Variants in FNDC1 observed in about 807,000 individuals in gnomAD.
FNDC1 encodes fibronectin type III domain containing 1.
Under a neutral mutation model 168.0 loss-of-function variants are expected in FNDC1, and 96 were observed. The observed-to-expected ratio is 0.57, with a 90% CI of 0.48 to 0.68. The LOEUF (loss-of-function observed/expected upper bound fraction) is 0.68. FNDC1 is among the 30% of genes least tolerant of loss of function. The pLI, the probability that FNDC1 is intolerant of heterozygous loss-of-function variation, is 0.00. For synonymous variants in FNDC1, 1,099 were observed against 1,025.9 expected (o/e 1.07, Z -1.36); for missense variants, 2,587 against 2,482.1 (o/e 1.04, Z -0.90).
At chr6:159,179,380 A>T (rs575331123) in intron 1 of FNDC1, among the ~76,000 whole-genome samples, 24 of 152,130 alleles carry the variant, frequency 1.6e-4, no homozygotes, top group Non-Finnish European at 3.4e-4. Context: ...AATCGCTTGA[A>T]CCCAGGAGGC....
rs557189946 is a variant in FNDC1, at chr6:159,187,705, C to T, written c.110-9726C>T. ...GGGTTTTCTTTTTTCTGGGTGGGGT[C>T]TGGGTCATAAATATTTGCCAAATAT... On this transcript the variant is annotated intron_variant, in intron 1 of 22. Transcript: ENST00000297267. Among the ~76,000 whole-genome samples the T allele has an allele frequency of 5.9e-5, 9 of 152,232 alleles. No homozygotes were observed. In the South Asian group the frequency reaches 1.9e-3, roughly 32 times the overall value.
chr6:159,220,079 C>T (rs1433446800), intron 5 of FNDC1, among the ~76,000 whole-genome samples: 2 of 152,250 alleles, frequency 1.3e-5, no homozygotes, highest in East Asian at 1.9e-4. Flanking sequence ...CGAGTGCCTC[C>T]GTATAAATAA....
chr6:159,211,078 G>A (rs1450130399), intron 4 of FNDC1, among the ~76,000 whole-genome samples: 1 of 152,138 alleles, frequency 6.6e-6, no homozygotes, highest in Non-Finnish European at 1.5e-5. Context: ...CGTGCAGATT[G>A]GTGTCCACAG....
intron 17 of FNDC1, among the ~76,000 whole-genome samples, chr6:159,252,181 T>C (rs2115016391): frequency 6.6e-6 from 1 of 152,306 alleles, no homozygotes; most frequent in South Asian, 2.1e-4. Context: ...ATTTAAGTTC[T>C]TATGGAAAGA....
intron 1 of FNDC1, among the ~76,000 whole-genome samples, chr6:159,190,065 C>A (rs1222814599): frequency 3.9e-5 from 6 of 152,162 alleles, no homozygotes; most frequent in Admixed American, 2.6e-4. Context: ...GGGCGGTATT[C>A]CCATCTTTAA....
At chr6:159,194,084 T>G (rs1413486284) in intron 1 of FNDC1, among the ~76,000 whole-genome samples, 1 of 152,260 alleles carries the variant, frequency 6.6e-6, no homozygotes, top group African/African-American at 2.4e-5. Flanking sequence ...TTTCTTCTTC[T>G]GTCTGGAGCA....
rs1309440813 is a variant in FNDC1, at chr6:159,232,689, C to T, written c.2177C>T (p.Ser726Leu). Reference sequence around the variant, plus strand: ...AGACTTTCTCCACCCCATGGGGGATCATCTCGGCTGCTGCCCACCCAGCCA... The same window carrying T: ...AGACTTTCTCCACCCCATGGGGGATTATCTCGGCTGCTGCCCACCCAGCCA... ...PSRLSPPHGG[S>L]SRLLPTQPHL... The change falls in exon 11 of 23, where the codon TCA becomes TTA. Residue 726 changes from serine to leucine, a missense_variant. Physicochemically the swap from Ser to Leu is moderately radical, Grantham distance 145. Coordinates refer to ENST00000297267, the MANE Select transcript of FNDC1 (RefSeq NM_032532.3). This position sits in a 1 kb window ranked among gnomAD's most constrained non-coding sequence, Gnocchi z 4.9. The T allele has an allele frequency of 6.2e-7, 1 of 1,613,930 alleles. No homozygotes were observed. The highest frequency in any genetic ancestry group is 1.1e-5 in the South Asian group (1 of 91,056).
intron 12 of FNDC1, 51 bp downstream of exon 12, chr6:159,236,366 A>T (rs1481972734): frequency 9.6e-6 from 12 of 1,247,334 alleles, no homozygotes; most frequent in Middle Eastern, 3.7e-4. Flanking sequence ...TGTTGAGAAG[A>T]GAAAAATGGT....
At chr6:159,183,777 A>AG (rs936495651) in intron 1 of FNDC1, among the ~76,000 whole-genome samples, 2 of 152,148 alleles carry the variant, frequency 1.3e-5, no homozygotes, top group African/African-American at 4.8e-5. Flanking sequence ...TTCTAGGAGG[A>AG]GGCGCTCACT....
At position 159,189,832 on chromosome 6, in the gene FNDC1, G is replaced by A. The variant is rs190542384; in HGVS notation, c.110-7599G>A. Among the ~76,000 whole-genome samples the A allele has an allele frequency of 6.1e-3, 934 of 152,280 alleles. 5 individuals carry two copies. Among genetic ancestry groups the A allele is most frequent in the Non-Finnish European group, 1.0e-2 (679 of 68,014 alleles). On this transcript the variant is annotated intron_variant, in intron 1 of 22. Coordinates refer to ENST00000297267, the MANE Select transcript of FNDC1 (RefSeq NM_032532.3). ...GAGGGATTTCTGTGAAAATCTGGGTGTTTTTATATTGCTTGTATTGTGTTA... is the reference window on the plus strand; with the variant it reads ...GAGGGATTTCTGTGAAAATCTGGGTATTTTTATATTGCTTGTATTGTGTTA...
chr6:159,170,277 C>CG (rs1231652468), intron 1 of FNDC1, among the ~76,000 whole-genome samples: 1 of 152,098 alleles, frequency 6.6e-6, no homozygotes, highest in African/African-American at 2.4e-5. Flanking sequence ...CCCGCGCGCC[C>CG]GGGGGGAACG....
chr6:159,269,240 TC>T (rs1298355072), intron 22 of FNDC1, among the ~76,000 whole-genome samples: 1 of 139,672 alleles, frequency 7.2e-6, no homozygotes, highest in African/African-American at 2.9e-5. Flanking sequence ...TATCTATCTA[TC>T]TATCTATCCA....
intron 13 of FNDC1, 93 bp downstream of exon 13, chr6:159,238,758 A>G: frequency 1.2e-6 from 1 of 857,050 alleles, no homozygotes; most frequent in South Asian, 1.8e-5. Flanking sequence ...TTTATAATGA[A>G]TGGTCATGGG....
intron 5 of FNDC1, among the ~76,000 whole-genome samples, chr6:159,215,955 C>A (rs1782701559): frequency 6.6e-6 from 1 of 152,008 alleles, no homozygotes. Flanking sequence ...TACCCAGGGT[C>A]AATACATTGT....
rs781657905 is a variant in FNDC1 at position 159,232,855 on chromosome 6, G to T, written c.2343G>T (p.Ala781=). Residue 781 remains alanine (A), a synonymous_variant, in exon 11 of 23, where the codon GCG becomes GCT. Coordinates refer to ENST00000297267, the MANE Select transcript of FNDC1 (RefSeq NM_032532.3). The surrounding 1 kb of genome is among the most constrained non-coding windows in gnomAD (Gnocchi z 4.9). ...LSSRTQVSEG[A]EASDGESHGD... is the part of the protein sequence containing the mutation. ...CCAGGACGCAGGTCTCTGAGGGAGC[G>T]GAGGCTTCTGATGGTGAAAGCCACG... 7.4e-6 allele frequency: 12 copies of T among 1,613,740 alleles called. No individual in the cohort carries two copies. The highest frequency in any genetic ancestry group is 1.0e-5 in the Non-Finnish European group (12 of 1,179,874).
At chr6:159,187,412 T>C (rs1473133677) in intron 1 of FNDC1, among the ~76,000 whole-genome samples, 3 of 152,288 alleles carry the variant, frequency 2.0e-5, no homozygotes, top group African/African-American at 7.2e-5. Context: ...CTAGTGTGTT[T>C]TATAATAAGT....
At chr6:159,246,283 G>A (rs1777121152) in intron 14 of FNDC1, among the ~76,000 whole-genome samples, 2 of 152,294 alleles carry the variant, frequency 1.3e-5, no homozygotes, top group South Asian at 2.1e-4. Context: ...AGAGTGGGTG[G>A]GAACTCAGTA....
intron 15 of FNDC1, among the ~76,000 whole-genome samples, chr6:159,248,236 A>T (rs1562307754): frequency 1.3e-5 from 2 of 152,180 alleles, no homozygotes; most frequent in Non-Finnish European, 2.9e-5. Context: ...TTCAAATGTT[A>T]AAGGATTAGT....
chr6:159,267,774 G>C (rs1334950511), intron 21 of FNDC1, 30 bp from the exon 22 acceptor site: 2 of 1,612,884 alleles, frequency 1.2e-6, no homozygotes, highest in Non-Finnish European at 1.7e-6. Flanking sequence ...TCTGTACCTA[G>C]TCATGGACTC....
Sources: gnomAD v4.1 joint callset for allele counts (sites outside exome capture counted in the v4.1 genomes callset) on GRCh38, gnomAD v4.1.1 for gene constraint, Gnocchi (gnomAD v3.1) non-coding constraint, MANE v1.5 for transcripts, NCBI Gene and HGNC (gene_info 2026-07-23, HGNC 2026-07-21) for gene names.